NEFH: variants seen among roughly 807,000 people sequenced by gnomAD.
The protein encoded by NEFH is neurofilament heavy chain, also known as neurofilament heavy polypeptide.
NEFH carries 58 observed loss-of-function variants against 56.6 expected under a neutral mutation model. The observed-to-expected ratio is 1.03, with a 90% CI of 0.83 to 1.28. The LOEUF (loss-of-function observed/expected upper bound fraction) is 1.28, where lower values mean the gene tolerates loss of function less well. Among genes scored for constraint, NEFH ranks in the 50% most tolerant of loss-of-function variants. NEFH has a pLI of 0.00. For missense variants in NEFH, 1,221 were observed against 1,307.6 expected (o/e 0.93, Z 1.02); for synonymous variants, 542 against 545.8 (o/e 0.99, Z 0.10).
chr22:29,480,701 G>T lies in NEFH; in HGVS notation c.439G>T (p.Glu147Ter). 6.6e-7 allele frequency: 1 copy of T among 1,526,458 alleles called. No individual in the cohort carries two copies. The highest frequency in any genetic ancestry group is 8.7e-7 in the Non-Finnish European group (1 of 1,145,098). 94.6% of individuals were successfully genotyped at this position (1,526,458 alleles called of 1,614,324 possible). A position where few individuals can be genotyped will look rare whatever the true frequency, so the allele number is the denominator to read the frequency against. Residue 147 changes from glutamate (E) to a stop codon, truncating the protein, a stop_gained, in exon 1 of 4, where the codon GAG becomes TAG. Coordinates refer to ENST00000310624, the MANE Select transcript of NEFH (RefSeq NM_021076.4). LOFTEE classifies it high-confidence loss of function. ...AGRSAMGELY[E>*]REVREMRGAV... is the part of the protein sequence containing the mutation. ...CCGCTCCGCTATGGGCGAGCTGTACGAGCGCGAGGTCCGCGAGATGCGCGG... is the reference window on the plus strand; with the variant it reads ...CCGCTCCGCTATGGGCGAGCTGTACTAGCGCGAGGTCCGCGAGATGCGCGG...
At chr22:29,485,993 A>G in intron 3 of NEFH, 146 bp downstream of exon 3, 1 of 780,136 alleles carries the variant, frequency 1.3e-6, no homozygotes, top group South Asian at 1.5e-5. Flanking sequence ...GACAAAACAT[A>G]CAATTTACCA....
At position 29,483,466 on chromosome 22, in the gene NEFH, G is replaced by A; in HGVS notation, c.975G>A (p.Leu325=). Residue 325 remains leucine (L), a synonymous_variant, in exon 2 of 4, where the codon CTG becomes CTA. Coordinates refer to ENST00000310624, the MANE Select transcript of NEFH (RefSeq NM_021076.4). ...QEEITEYRRQ[L]QARTTELEAL... ...AGATAACTGAGTACCGGCGTCAGCT[G>A]CAGGCCAGGACCACAGAGCTGGAGG... 6.2e-7 allele frequency: 1 copy of A among 1,614,064 alleles called. No homozygotes were observed.
chr22:29,483,171 C>T (rs1020553682), intron 1 of NEFH, among the ~76,000 whole-genome samples: 9 of 151,492 alleles, frequency 5.9e-5, no homozygotes, highest in South Asian at 4.1e-4. Context: ...CCCAGCTACT[C>T]GGGAGGCTGA....
chr22:29,484,564 C>A (rs2063033095), intron 2 of NEFH, among the ~76,000 whole-genome samples: 1 of 152,184 alleles, frequency 6.6e-6, no homozygotes, highest in Admixed American at 6.5e-5. Flanking sequence ...ATCGCTTCAA[C>A]TGAACCTGGG....
At position 29,485,838 on chromosome 22, in the gene NEFH, C is replaced by T. The variant is rs757021413; in HGVS notation, c.1199C>T (p.Ala400Val). 1.3e-5 allele frequency: 21 copies of T among 1,614,026 alleles called. No homozygotes were observed. In the East Asian group the frequency reaches 1.3e-4, roughly 10 times the overall value. The change falls in exon 3 of 4, where the codon GCC becomes GTC. Residue 400 changes from alanine to valine, a missense_variant. Transcript: ENST00000310624. ...NVKMALDIEI[A>V]AYRKLLEGEE... The stretch of plus-strand genomic sequence containing the variant: ...AAGATGGCTCTGGATATAGAGATAG[C>T]CGCTTACAGGTGAGACGCACAGGGG...
chr22:29,483,788 A>T, intron 2 of NEFH, among the ~76,000 whole-genome samples: 1 of 145,262 alleles, frequency 6.9e-6, no homozygotes, highest in South Asian at 2.2e-4. Context: ...AAAAAAAAAA[A>T]GCCTGCTTTG....
rs760667763 is a variant in NEFH, at chr22:29,489,170, A to C, written c.1530A>C (p.Ala510=). The C allele has an allele frequency of 6.2e-7, 1 of 1,613,990 alleles. No individual in the cohort carries two copies. Among genetic ancestry groups the C allele is most frequent in the African/African-American group, 1.3e-5 (1 of 74,942 alleles). Reference sequence around the variant, plus strand: ...AGTCTCCCCCAGCAGAAGAGGCTGCATCCCCAGAGAAGGAAGCCAAGTCAC... The same window carrying C: ...AGTCTCCCCCAGCAGAAGAGGCTGCCTCCCCAGAGAAGGAAGCCAAGTCAC... ...ETKSPPAEEA[A]SPEKEAKSPV... Residue 510 remains alanine (A), a synonymous_variant, in exon 4 of 4, where the codon GCA becomes GCC. Transcript: ENST00000310624.
chr22:29,488,715 C>A, intron 3 of NEFH, 134 bp from the exon 4 acceptor site: 1 of 842,678 alleles, frequency 1.2e-6, no homozygotes, highest in Non-Finnish European at 2.0e-6. Context: ...TCTCATAATG[C>A]CCACCATTCA....
In NEFH at chr22:29,490,405, C is replaced by T; in HGVS notation, c.2765C>T (p.Pro922Leu). Residue 922 changes from proline to leucine, a missense_variant, in exon 4 of 4, where the codon CCC (proline) becomes CTC (leucine). By Grantham distance (98) the Pro-to-Leu change is moderately conservative. This residue lies in a region of NEFH where 301 missense variants were observed against 346.6 expected (regional missense o/e 0.87). Coordinates refer to ENST00000310624, the MANE Select transcript of NEFH (RefSeq NM_021076.4). ...GTGGAGGTGAAGGAAGACGCTAAAC[C>T]CAAAGAAAAGACAGAGGTAGCCAAG... is the stretch of plus-strand genomic sequence containing the variant. ...AKVEVKEDAK[P>L]KEKTEVAKKE... 6.2e-7 allele frequency: 1 copy of T among 1,611,578 alleles called. No homozygotes were observed. Among genetic ancestry groups the T allele is most frequent in the Non-Finnish European group, 8.5e-7 (1 of 1,179,480 alleles).
chr22:29,485,248 A>G (rs142119901), intron 2 of NEFH, among the ~76,000 whole-genome samples: 3,223 of 152,164 alleles, frequency 0.021, 60 homozygotes, highest in Non-Finnish European at 0.034. Flanking sequence ...GATTACAGGT[A>G]TGTGCCACCA....
In NEFH at chr22:29,489,154, C is replaced by T. The variant is rs1414968372; in HGVS notation, c.1514C>T (p.Pro505Leu). The T allele has an allele frequency of 3.1e-6, 5 of 1,613,956 alleles. No individual in the cohort carries two copies. In the East Asian group the frequency reaches 6.7e-5, roughly 22 times the overall value. The change falls in exon 4 of 4, where the codon CCA (proline) becomes CTA (leucine). Residue 505 changes from proline (P) to leucine (L), a missense_variant. By Grantham distance (98) the Pro-to-Leu change is moderately conservative. Around this residue, in one of 4 missense-constraint regions of NEFH, gnomAD observed 243 missense variants for 299.1 expected, o/e 0.81. Transcript: ENST00000310624. Reference sequence around the variant, plus strand: ...GGAGAAGAAGAAACAAAGTCTCCCCCAGCAGAAGAGGCTGCATCCCCAGAG... The same window carrying T: ...GGAGAAGAAGAAACAAAGTCTCCCCTAGCAGAAGAGGCTGCATCCCCAGAG... Reference protein sequence around the residue: ...EGGEEETKSPPAEEAASPEKE... With the variant: ...EGGEEETKSPLAEEAASPEKE...
At chr22:29,488,152 C>T (rs181893885) in intron 3 of NEFH, among the ~76,000 whole-genome samples, 3 of 152,278 alleles carry the variant, frequency 2.0e-5, no homozygotes, top group Non-Finnish European at 2.9e-5. Context: ...CGGCTGAGGT[C>T]AGGAGTTCGA....
intron 1 of NEFH, among the ~76,000 whole-genome samples, chr22:29,482,039 A>C (rs1324038032): frequency 6.6e-6 from 1 of 152,220 alleles, no homozygotes; most frequent in Non-Finnish European, 1.5e-5. Flanking sequence ...TTTTTGAGAG[A>C]GAGGGCAGAG....
At position 29,480,918 on chromosome 22, in the gene NEFH, A is replaced by G; in HGVS notation, c.656A>G (p.Lys219Arg). 6.6e-7 allele frequency: 1 copy of G among 1,511,692 alleles called. No individual in the cohort carries two copies. Among genetic ancestry groups the G allele is most frequent in the Non-Finnish European group, 8.8e-7 (1 of 1,138,146 alleles). The allele number at this position is 1,511,692 out of a possible 1,614,324, so 93.6% of individuals were successfully genotyped here. Reference protein sequence around the residue: ...AEAARVDLQKKAQALQEECGY... With the variant: ...AEAARVDLQKRAQALQEECGY... Reference sequence around the variant, plus strand: ...GCGGCGCGCGTGGACCTGCAGAAGAAGGCGCAGGCGCTGCAGGAGGAGTGC... The same window carrying G: ...GCGGCGCGCGTGGACCTGCAGAAGAGGGCGCAGGCGCTGCAGGAGGAGTGC... Residue 219 changes from lysine to arginine, a missense_variant, in exon 1 of 4, where the codon AAG becomes AGG. Physicochemically the swap from Lys to Arg is conservative, Grantham distance 26 (BLOSUM62 2). Transcript: ENST00000310624.
chr22:29,489,816 G>A lies in NEFH; in HGVS notation c.2176G>A (p.Val726Met). 6.2e-7 allele frequency: 1 copy of A among 1,610,726 alleles called. No homozygotes were observed. The highest frequency in any genetic ancestry group is 8.5e-7 in the Non-Finnish European group (1 of 1,179,044). ...GTCCCCTGAGAAGGCCAAGTCCCCA[G>A]TGAAGGAAGAAGCAAAGACCCCCGA... is the stretch of plus-strand genomic sequence containing the variant. ...AKSPEKAKSPVKEEAKTPEKA... is the reference protein window; with the variant it reads ...AKSPEKAKSPMKEEAKTPEKA... The change falls in exon 4 of 4, where the codon GTG becomes ATG. Residue 726 changes from valine (V) to methionine (M), a missense_variant. This residue lies in a region of NEFH where 301 missense variants were observed against 346.6 expected (regional missense o/e 0.87). Transcript: ENST00000310624.
chr22:29,480,751 G>A lies in NEFH; in HGVS notation c.489G>A (p.Ala163=). Residue 163 remains alanine (A), a synonymous_variant, in exon 1 of 4, where the codon GCG becomes GCA. Transcript: ENST00000310624. ...GCGCGGTGCTGCGCCTGGGCGCGGCGCGCGGTCAGCTACGCCTGGAGCAGG... is the reference window on the plus strand; with the variant it reads ...GCGCGGTGCTGCGCCTGGGCGCGGCACGCGGTCAGCTACGCCTGGAGCAGG... ...MRGAVLRLGA[A]RGQLRLEQEH... is the part of the protein sequence containing the mutation. 1 of 1,448,988 alleles carries A rather than the reference G, an allele frequency of 6.9e-7. No homozygotes were observed. The highest frequency in any genetic ancestry group is 2.8e-5 in the East Asian group (1 of 35,680). The allele number at this position is 1,448,988 out of a possible 1,614,324, so 89.8% of individuals were successfully genotyped here.
intron 1 of NEFH, among the ~76,000 whole-genome samples, chr22:29,482,980 C>T (rs1183536293): frequency 1.3e-5 from 2 of 152,124 alleles, no homozygotes; most frequent in African/African-American, 2.4e-5. Context: ...CATGTGTCAC[C>T]TTCAAAATCT....
At chr22:29,484,976 A>G (rs575081037) in intron 2 of NEFH, among the ~76,000 whole-genome samples, 2 of 152,240 alleles carry the variant, frequency 1.3e-5, no homozygotes, top group East Asian at 3.9e-4. Flanking sequence ...CTGGGACTAT[A>G]GGTGCACATC....
intron 2 of NEFH, 26 bp from the exon 3 acceptor site, chr22:29,485,697 T>C (rs754469100): frequency 6.2e-7 from 1 of 1,610,822 alleles, no homozygotes; most frequent in Non-Finnish European, 8.5e-7. Context: ...GGCTGGCATG[T>C]GATGTGTGTC....
Sources: gnomAD v4.1 joint callset for allele counts (sites outside exome capture counted in the v4.1 genomes callset) on GRCh38, gnomAD v4.1.1 for gene constraint, gnomAD v4.1.1 regional missense constraint, MANE v1.5 for transcripts, NCBI Gene and HGNC (gene_info 2026-07-23, HGNC 2026-07-21) for gene names.